The following RAP1A variants were observed in gnomAD, a reference collection of about 807,000 sequenced individuals.
RAP1A encodes the protein ras-related protein Rap-1A.
A neutral mutation model predicts 26.4 loss-of-function variants in RAP1A; 6 were observed. That is an observed-to-expected ratio of 0.23 (90% CI 0.12 to 0.45). RAP1A has a LOEUF of 0.45. RAP1A is among the 20% of genes least tolerant of loss of function. The probability of loss-of-function intolerance (pLI) is 0.99; values close to 1 mark genes in which losing one functional copy is unlikely to be tolerated. For synonymous variants in RAP1A, 73 were observed against 79.4 expected (o/e 0.92, Z 0.43); for missense variants, 121 against 217.2 (o/e 0.56, Z 2.78).
At chr1:111,605,667 C>T (rs187553210) in intron 1 of RAP1A, among the ~76,000 whole-genome samples, 44 of 152,262 alleles carry the variant, frequency 2.9e-4, no homozygotes, top group Non-Finnish European at 5.0e-4. Context: ...AGCCAGAAAT[C>T]CAAACACTGT....
Position 111,603,501 on chromosome 1 carries a change from G to C in RAP1A, c.-28+60992G>C, listed in dbSNP as rs114022156. ...GCAGAGCTGAAGCCATTGGTAGGAT[G>C]TTCTGGGGTGCACTGAAGATTCAAC... is the stretch of plus-strand genomic sequence containing the variant. On this transcript the variant is annotated intron_variant, in intron 1 of 7. Coordinates refer to the RAP1A transcript ENST00000356415. Among the ~76,000 whole-genome samples, 1,236 of 152,354 alleles carry C rather than the reference G, an allele frequency of 8.1e-3. 21 individuals are homozygous for C. Among genetic ancestry groups the C allele is most frequent in the African/African-American group, 0.029 (1,187 of 41,570 alleles).
intron 1 of RAP1A, among the ~76,000 whole-genome samples, chr1:111,560,661 T>A (rs1427095261): frequency 6.6e-6 from 1 of 151,854 alleles, no homozygotes; most frequent in East Asian, 1.9e-4. Flanking sequence ...GCTAATTTTT[T>A]TTCCATTTGT....
chr1:111,612,440 A>C (rs1173135163), intron 1 of RAP1A, among the ~76,000 whole-genome samples: 1 of 152,114 alleles, frequency 6.6e-6, no homozygotes, highest in Non-Finnish European at 1.5e-5. Context: ...AAAACATATA[A>C]ATAGGCAATA....
intron 1 of RAP1A, among the ~76,000 whole-genome samples, chr1:111,665,450 T>G (rs1557883785): frequency 6.6e-6 from 1 of 152,212 alleles, no homozygotes; most frequent in Non-Finnish European, 1.5e-5. Flanking sequence ...TGACCAAATG[T>G]ATCTTTTAAG....
chr1:111,620,924 C>G lies in RAP1A; in HGVS notation c.-28+990C>G, dbSNP rs500184. Among the ~76,000 whole-genome samples the G allele has an allele frequency of 2.2e-4, 34 of 151,976 alleles. 1 individual carries two copies. Among genetic ancestry groups the G allele is most frequent in the Admixed American group, 2.0e-3 (30 of 15,284 alleles). ...TGGGATCTCCTCTTAGGGCTGAGAA[C>G]CAGAGTTTAGGGAACCTTTGACCTC... On this transcript the variant is annotated intron_variant, in intron 1 of 7. Transcript: ENST00000369709.
At chr1:111,576,928 A>T (rs1402588454) in intron 1 of RAP1A, among the ~76,000 whole-genome samples, 1 of 152,166 alleles carries the variant, frequency 6.6e-6, no homozygotes, top group African/African-American at 2.4e-5. Flanking sequence ...TGCATCACCA[A>T]GGCTCTTACT....
chr1:111,694,878 T>C (rs1207755506), intron 2 of RAP1A, among the ~76,000 whole-genome samples: 1 of 152,008 alleles, frequency 6.6e-6, no homozygotes, highest in Non-Finnish European at 1.5e-5. Context: ...GGCGGGAGGA[T>C]CTCTTGAGTT....
chr1:111,667,238 C>A (rs941125190), intron 1 of RAP1A, among the ~76,000 whole-genome samples: 7 of 152,082 alleles, frequency 4.6e-5, no homozygotes, highest in Admixed American at 6.5e-5. Context: ...CTACCCTCCT[C>A]TCCTGTTTCT....
chr1:111,562,570 G>GCTTGTCCCATA (rs1553208611), intron 1 of RAP1A, among the ~76,000 whole-genome samples: 1 of 152,210 alleles, frequency 6.6e-6, no homozygotes, highest in African/African-American at 2.4e-5. Context: ...TTTGTGTCAT[G>GCTTGTCCCATA]CTTGTCCCAT....
chr1:111,556,909 A>G (rs1230046191), intron 1 of RAP1A, among the ~76,000 whole-genome samples: 1 of 149,430 alleles, frequency 6.7e-6, no homozygotes, highest in Non-Finnish European at 1.5e-5. Context: ...CATTATATAT[A>G]TGTATGTACA....
chr1:111,569,455 C>T (rs906424621), intron 1 of RAP1A, among the ~76,000 whole-genome samples: 2 of 151,716 alleles, frequency 1.3e-5, no homozygotes, highest in Admixed American at 6.6e-5. Context: ...GCACCCCTAA[C>T]CTAACCCCTT....
rs1657051539 is a variant in RAP1A at position 111,546,848 on chromosome 1, T to C, written c.-28+4339T>C. Reference sequence around the variant, plus strand: ...TGTATTTTTTTGAGGAATTGTCATATTGGTTTTCACAGTGGCTGCACCAGT... The same window carrying C: ...TGTATTTTTTTGAGGAATTGTCATACTGGTTTTCACAGTGGCTGCACCAGT... On this transcript the variant is annotated intron_variant, in intron 1 of 7. Transcript: ENST00000356415. Among the ~76,000 whole-genome samples the C allele has an allele frequency of 5.3e-5, 8 of 152,308 alleles. No individual in the cohort carries two copies. In the South Asian group the frequency reaches 1.7e-3, roughly 32 times the overall value.
intron 2 of RAP1A, among the ~76,000 whole-genome samples, chr1:111,692,165 A>T (rs1661690421): frequency 6.6e-6 from 1 of 152,178 alleles, no homozygotes; most frequent in Non-Finnish European, 1.5e-5. Flanking sequence ...CTAGATTGAT[A>T]TGGGGACTAG....
chr1:111,582,223 C>A (rs745632983), intron 1 of RAP1A, among the ~76,000 whole-genome samples: 10 of 152,112 alleles, frequency 6.6e-5, no homozygotes, highest in Non-Finnish European at 1.0e-4. Context: ...ATGAAACAGT[C>A]GTTTGGTGAG....
intron 1 of RAP1A, among the ~76,000 whole-genome samples, chr1:111,589,780 T>A (rs1012620481): frequency 8.5e-5 from 13 of 152,132 alleles, no homozygotes. Context: ...GGTGCTATCA[T>A]GGCTCACTGC....
At chr1:111,612,551 T>C (rs1354621384) in intron 1 of RAP1A, among the ~76,000 whole-genome samples, 1 of 152,212 alleles carries the variant, frequency 6.6e-6, no homozygotes, top group Non-Finnish European at 1.5e-5. Context: ...GTATACCTTC[T>C]TTCACCACTC....
At chr1:111,652,035 G>A (rs1047795024) in intron 1 of RAP1A, among the ~76,000 whole-genome samples, 13 of 151,760 alleles carry the variant, frequency 8.6e-5, no homozygotes, top group African/African-American at 3.1e-4. Context: ...GTGTAGTGGT[G>A]CAGTCTTGGC....
At chr1:111,702,362 C>G (rs574456549) in intron 4 of RAP1A, among the ~76,000 whole-genome samples, 1 of 151,954 alleles carries the variant, frequency 6.6e-6, no homozygotes, top group African/African-American at 2.4e-5. Context: ...ATATTAACCT[C>G]CATAGTTACA....
intron 4 of RAP1A, among the ~76,000 whole-genome samples, chr1:111,702,721 C>T (rs930759453): frequency 4.0e-5 from 6 of 148,648 alleles, no homozygotes; most frequent in Admixed American, 2.8e-4. Context: ...CCACTACGCC[C>T]GGCTAATGTT....
Sources: allele counts gnomAD v4.1 joint callset (sites outside exome capture counted in the v4.1 genomes callset), GRCh38; gene constraint gnomAD v4.1.1; transcripts MANE v1.5; gene names NCBI Gene and HGNC (gene_info 2026-07-23, HGNC 2026-07-21).